Variants in ISG20L2 observed in about 807,000 individuals in gnomAD.
ISG20L2 encodes interferon stimulated exonuclease gene 20 like 2, also known as interferon-stimulated 20 kDa exonuclease-like 2.
In ISG20L2, 14 loss-of-function variants were observed where a neutral mutation model predicts 27.8. That is an observed-to-expected ratio of 0.50 (90% CI 0.33 to 0.79). The LOEUF (loss-of-function observed/expected upper bound fraction) is 0.79. Ranked by LOEUF, ISG20L2 falls within the 30% of genes least tolerant of loss-of-function variation. The pLI, the probability that ISG20L2 is intolerant of heterozygous loss-of-function variation, is 0.02. For missense variants in ISG20L2, 393 were observed against 435.1 expected (o/e 0.90, Z 0.86); for synonymous variants, 157 against 165.7 (o/e 0.95, Z 0.40).
chr1:156,727,424 G>C lies in ISG20L2; in HGVS notation c.229C>G (p.Pro77Ala). Residue 77 changes from proline (P) to alanine (A), a missense_variant, in exon 2 of 4, where the codon CCA becomes GCA. Coordinates refer to ENST00000368219, the MANE Select transcript of ISG20L2 (RefSeq NM_001370150.2). ...VDGTWKTPSF[P>A]KKKTAASSNG... ...CTGGAAGCAGCTGTCTTCTTTTTTG[G>C]GAAGGAAGGGGTCTTCCAAGTGCCA... 6.2e-7 allele frequency: 1 copy of C among 1,613,966 alleles called. No homozygotes were observed. Among genetic ancestry groups the C allele is most frequent in the Non-Finnish European group, 8.5e-7 (1 of 1,179,962 alleles).
At chr1:156,724,541 A>G (rs1571493056) in intron 2 of ISG20L2, 193 bp from the exon 3 acceptor site, 3 of 1,404,738 alleles carry the variant, frequency 2.1e-6, no homozygotes, top group Middle Eastern at 5.3e-4. Flanking sequence ...GGTGATTTCC[A>G]TGGTATACCC....
At chr1:156,725,852 C>T in intron 2 of ISG20L2, 1 of 984,344 alleles carries the variant, frequency 1.0e-6, no homozygotes, top group Non-Finnish European at 1.2e-6. Context: ...AATAGTCAGT[C>T]ACCTCACCTC....
At position 156,727,319 on chromosome 1, in the gene ISG20L2, C is replaced by G; in HGVS notation, c.334G>C (p.Val112Leu). The G allele has an allele frequency of 6.2e-7, 1 of 1,614,188 alleles. No homozygotes were observed. Among genetic ancestry groups the G allele is most frequent in the Non-Finnish European group, 8.5e-7 (1 of 1,180,032 alleles). ...TPAPSKKADS[V>L]AAKVDLLGEF... ...CCCAGCAAATCTACTTTAGCAGCAA[C>G]AGAATCAGCCTTTTTTGAAGGGGCA... The change falls in exon 2 of 4, where the codon GTT becomes CTT. Residue 112 changes from valine (V) to leucine (L), a missense_variant. By Grantham distance (32) the Val-to-Leu change is conservative. This residue lies in a region of ISG20L2 where 183 missense variants were observed against 168.2 expected (regional missense o/e 1.09). Transcript: ENST00000368219.
chr1:156,726,630 C>T (rs528856788), intron 2 of ISG20L2: 16 of 946,448 alleles, frequency 1.7e-5, no homozygotes, highest in East Asian at 1.2e-4. Context: ...GCGATTCTCC[C>T]GCCTCAGCCT....
In ISG20L2 at chr1:156,727,561, T is replaced by C. The variant is rs1297533689; in HGVS notation, c.92A>G (p.Lys31Arg). Residue 31 changes from lysine (K) to arginine (R), a missense_variant, in exon 2 of 4, where the codon AAG becomes AGG. Physicochemically the swap from Lys to Arg is conservative, Grantham distance 26. Coordinates refer to ENST00000368219, the MANE Select transcript of ISG20L2 (RefSeq NM_001370150.2). ...GNAKHRNFVKKRRLLERRGFL... is the reference protein window; with the variant it reads ...GNAKHRNFVKRRRLLERRGFL... ...GCCTCTCCGTTCTAAGAGCCTCCGC[T>C]TCTTGACAAAATTTCGGTGCTTGGC... 6.2e-7 allele frequency: 1 copy of C among 1,614,228 alleles called. No individual in the cohort carries two copies. The highest frequency in any genetic ancestry group is 1.1e-5 in the South Asian group (1 of 91,090).
In ISG20L2 at chr1:156,724,234, G is replaced by T. The variant is rs146831275; in HGVS notation, c.862C>A (p.Pro288Thr). ...GGGCAGTCAGCCTTCCGGTTGAGGG[G>T]GGGGATATGGGAGGTGTCACGGGTG... ...SLTRDTSHIPPLNRKADCPEN... is the reference protein window; with the variant it reads ...SLTRDTSHIPTLNRKADCPEN... The change falls in exon 3 of 4, where the codon CCC becomes ACC. Residue 288 changes from proline (P) to threonine (T), a missense_variant. Transcript: ENST00000368219. 5 of 1,613,928 alleles carry T rather than the reference G, an allele frequency of 3.1e-6. No homozygotes were observed. The highest frequency in any genetic ancestry group is 4.2e-6 in the Non-Finnish European group (5 of 1,179,986).
intron 2 of ISG20L2, chr1:156,725,165 T>C (rs1406938396): frequency 7.2e-5 from 11 of 152,250 alleles, no homozygotes; most frequent in Admixed American, 7.2e-4. Flanking sequence ...TGGGCCAGGC[T>C]GGTCTTGAAC....
chr1:156,727,362 T>C lies in ISG20L2; in HGVS notation c.291A>G (p.Ala97=), dbSNP rs1648830382. 1 of 1,614,212 alleles carries C rather than the reference T, an allele frequency of 6.2e-7. No individual in the cohort carries two copies. Among genetic ancestry groups the C allele is most frequent in the East Asian group, 2.2e-5 (1 of 44,878 alleles). ...AAGGGGCAGGGGTCAACCAAGACAC[T>C]GCAGCTTTCTTGTCCAGGGGCTGTC... ...GSGQPLDKKA[A]VSWLTPAPSK... Residue 97 remains alanine, a synonymous_variant, in exon 2 of 4, where the codon GCA becomes GCG. Coordinates refer to ENST00000368219, the MANE Select transcript of ISG20L2 (RefSeq NM_001370150.2).
rs756940358 is a variant in ISG20L2, at chr1:156,724,125, C to T, written c.948+23G>A. 7 of 1,589,474 alleles carry T rather than the reference C, an allele frequency of 4.4e-6. No individual in the cohort carries two copies. In the African/African-American group the frequency reaches 8.1e-5, roughly 18 times the overall value. On this transcript the variant is annotated intron_variant, in intron 3 of 3. Coordinates refer to ENST00000368219, the MANE Select transcript of ISG20L2 (RefSeq NM_001370150.2). The stretch of plus-strand genomic sequence containing the variant: ...ACGAGAGCCATGTCCAAGATGGGGG[C>T]GGGGGATGTGGGGAGATGCTACCTG...
intron 3 of ISG20L2, 108 bp downstream of exon 3, chr1:156,724,040 G>T: frequency 8.5e-7 from 1 of 1,171,494 alleles, no homozygotes; most frequent in Non-Finnish European, 1.3e-6. Flanking sequence ...CATCACAGCA[G>T]CCCACCTGGA....
At position 156,727,783 on chromosome 1, in the gene ISG20L2, T is replaced by G; in HGVS notation, c.-117-14A>C. ...CTGTAGTACACCCTGGGGAAGAAAG[T>G]GATCCTGGTAATTGAGCTCCTAGGC... On this transcript the variant is annotated splice_polypyrimidine_tract_variant and intron_variant, in intron 1 of 3. Transcript: ENST00000368219. The G allele has an allele frequency of 2.0e-6, 3 of 1,487,728 alleles. No individual in the cohort carries two copies. The highest frequency in any genetic ancestry group is 2.7e-6 in the Non-Finnish European group (3 of 1,128,402). The allele number at this position is 1,487,728 out of a possible 1,614,324, so 92.2% of individuals were successfully genotyped here. A position where few individuals can be genotyped will look rare whatever the true frequency, so the allele number is the denominator to read the frequency against.
chr1:156,726,434 T>C (rs777313395), intron 2 of ISG20L2: 168 of 983,474 alleles, frequency 1.7e-4, no homozygotes, highest in Non-Finnish European at 2.0e-4. Flanking sequence ...TTTTTGTTTG[T>C]TTTTTTGAGA....
At chr1:156,728,390 C>A in intron 1 of ISG20L2, 25 bp downstream of exon 1, 1 of 985,590 alleles carries the variant, frequency 1.0e-6, no homozygotes, top group Non-Finnish European at 1.2e-6. Context: ...CGGTACAGAT[C>A]GATCTCTCAC....
At chr1:156,723,980 A>G (rs1377478053) in intron 3 of ISG20L2, 168 bp downstream of exon 3, 13 of 1,163,378 alleles carry the variant, frequency 1.1e-5, no homozygotes, top group Non-Finnish European at 1.4e-5. Flanking sequence ...GAAACATTCT[A>G]TGAGGTAGAC....
Position 156,723,022 on chromosome 1 carries a change from C to T in ISG20L2, c.*327G>A, listed in dbSNP as rs1309233282. On this transcript the variant is annotated 3_prime_UTR_variant, in exon 4 of 4. Coordinates refer to ENST00000368219, the MANE Select transcript of ISG20L2 (RefSeq NM_001370150.2). Reference sequence around the variant, plus strand: ...TAAGGCAGTTTGGGAAACTACATTTCCCAGTATGCCCTGCCCCTTGAAAGT... The same window carrying T: ...TAAGGCAGTTTGGGAAACTACATTTTCCAGTATGCCCTGCCCCTTGAAAGT... 7.9e-6 allele frequency: 2 copies of T among 254,694 alleles called. No individual in the cohort carries two copies. The highest frequency in any genetic ancestry group is 1.5e-5 in the Non-Finnish European group (2 of 131,310). The allele number at this position is 254,694 out of a possible 1,614,324, so 15.8% of individuals were successfully genotyped here. A position where few individuals can be genotyped will look rare whatever the true frequency, so the allele number is the denominator to read the frequency against.
In ISG20L2 at chr1:156,727,177, G is replaced by A. The variant is rs1648816727; in HGVS notation, c.476C>T (p.Ser159Phe). Residue 159 changes from serine (S) to phenylalanine (F), a missense_variant, in exon 2 of 4, where the codon TCC (serine) becomes TTC (phenylalanine). Ser to Phe is a radical substitution (Grantham distance 155, BLOSUM62 -2). Coordinates refer to ENST00000368219, the MANE Select transcript of ISG20L2 (RefSeq NM_001370150.2). Reference protein sequence around the residue: ...NHPQKNAPQNSTQAHSENKCS... With the variant: ...NHPQKNAPQNFTQAHSENKCS... ...TTTATTCTCTGAATGAGCTTGGGTG[G>A]AGTTCTGTGGGGCATTCTTCTGAGG... is the stretch of plus-strand genomic sequence containing the variant. 1 of 1,613,872 alleles carries A rather than the reference G, an allele frequency of 6.2e-7. No homozygotes were observed. The highest frequency in any genetic ancestry group is 1.3e-5 in the African/African-American group (1 of 74,936).
intron 2 of ISG20L2, chr1:156,726,105 G>C (rs1648746609): frequency 2.0e-6 from 2 of 985,290 alleles, no homozygotes; most frequent in African/African-American, 1.7e-5. Context: ...ATGACAACCC[G>C]AAGTGCCGGC....
Position 156,728,639 on chromosome 1 carries a change from C to A in ISG20L2, c.-342G>T. On this transcript the variant is annotated 5_prime_UTR_variant, in exon 1 of 4. Coordinates refer to ENST00000368219, the MANE Select transcript of ISG20L2 (RefSeq NM_001370150.2). ...GGGGCGGCGTGGGTGGGGGCGGGGG[C>A]GGGATGCGCTCCCCGGCCCCTCTAG... The A allele has an allele frequency of 1.0e-6, 1 of 972,016 alleles. No homozygotes were observed. Among genetic ancestry groups the A allele is most frequent in the Non-Finnish European group, 1.2e-6 (1 of 817,552 alleles). 60.2% of individuals were successfully genotyped at this position (972,016 alleles called of 1,614,324 possible).
chr1:156,727,826 T>A, intron 1 of ISG20L2, 57 bp from the exon 2 acceptor site: 1 of 1,433,820 alleles, frequency 7.0e-7, no homozygotes, highest in South Asian at 1.5e-5. Flanking sequence ...AAAAATGAGG[T>A]AAGCTCGATC....
Sources: gnomAD v4.1 joint callset for allele counts on GRCh38, gnomAD v4.1.1 for gene constraint, gnomAD v4.1.1 regional missense constraint, MANE v1.5 for transcripts, NCBI Gene and HGNC (gene_info 2026-07-23, HGNC 2026-07-21) for gene names.